The following ESYT2 variants were observed in gnomAD, a reference collection of about 807,000 sequenced individuals.
The protein encoded by ESYT2 is extended synaptotagmin 2, also known as extended synaptotagmin-2.
ESYT2 carries 54 observed loss-of-function variants against 107.2 expected under a neutral mutation model. The observed-to-expected ratio is 0.50, with a 90% confidence interval of 0.40 to 0.63. ESYT2 has a LOEUF of 0.63. Among genes scored for constraint, ESYT2 ranks in the 30% least tolerant of loss-of-function variants. ESYT2 has a pLI of 0.00. For synonymous variants in ESYT2, 491 were observed against 434.1 expected (o/e 1.13, Z -1.63); for missense variants, 1,020 against 1,094.5 (o/e 0.93, Z 0.96).
intron 3 of ESYT2, among the ~76,000 whole-genome samples, chr7:158,797,282 T>G (rs1051550598): frequency 2.0e-5 from 3 of 152,140 alleles, no homozygotes; most frequent in African/African-American, 7.2e-5. Context: ...TATGTAGTTC[T>G]GACCATATAC....
chr7:158,827,104 A>G (rs535568730), intron 1 of ESYT2, among the ~76,000 whole-genome samples: 1 of 150,140 alleles, frequency 6.7e-6, no homozygotes, highest in South Asian at 2.1e-4. Flanking sequence ...CGGAGGTTGT[A>G]GTGAGCCGAG....
rs183563206 is a variant in ESYT2 at position 158,795,325 on chromosome 7, A to T, written c.508-1599T>A. Among the ~76,000 whole-genome samples, 6 of 152,382 alleles carry T rather than the reference A, an allele frequency of 3.9e-5. No individual in the cohort carries two copies. In the East Asian group the frequency reaches 9.6e-4, roughly 24 times the overall value. On this transcript the variant is annotated intron_variant, in intron 3 of 22. Transcript: ENST00000275418. The stretch of plus-strand genomic sequence containing the variant: ...CTCTTAATACTCTTGCTATTCTCCA[A>T]GGATTTCCTTATTCAGCTGGTATCA...
chr7:158,808,408 G>T (rs551135964), intron 1 of ESYT2, among the ~76,000 whole-genome samples: 4 of 152,332 alleles, frequency 2.6e-5, no homozygotes, highest in African/African-American at 9.6e-5. Context: ...CTCATTTCAA[G>T]TCACCTTTAT....
At chr7:158,756,354 A>C (rs1053845264) in intron 13 of ESYT2, among the ~76,000 whole-genome samples, 3 of 152,210 alleles carry the variant, frequency 2.0e-5, no homozygotes, top group Non-Finnish European at 4.4e-5. Flanking sequence ...GCAACATATG[A>C]TGAGATGGGA....
chr7:158,771,957 A>T (rs1270489336), intron 7 of ESYT2, among the ~76,000 whole-genome samples: 1 of 144,420 alleles, frequency 6.9e-6, no homozygotes, highest in Non-Finnish European at 1.5e-5. Context: ...CATCTCTACT[A>T]AAAAAATACA....
chr7:158,740,832 G>C (rs898497066), intron 18 of ESYT2, among the ~76,000 whole-genome samples: 2 of 152,130 alleles, frequency 1.3e-5, no homozygotes, highest in African/African-American at 4.8e-5. Flanking sequence ...TTTTCTAACA[G>C]CTCAGAAGCA....
At chr7:158,735,430 A>T (rs75784629) in intron 21 of ESYT2, 73 bp downstream of exon 21, 166 of 1,294,940 alleles carry the variant, frequency 1.3e-4, no homozygotes, top group Non-Finnish European at 1.7e-4. Context: ...GACATGGTCT[A>T]AACACTGCAC....
Position 158,779,998 on chromosome 7 carries a change from G to C in ESYT2, c.748-6602C>G, listed in dbSNP as rs568165684. On this transcript the variant is annotated intron_variant, in intron 6 of 22. Coordinates refer to ENST00000275418, the MANE Select transcript of ESYT2 (RefSeq NM_001367773.1). ...AATAGGGGCCCCAGCCCCCATTATT[G>C]TGACACCCTAAACATCCATTTCCAA... Among the ~76,000 whole-genome samples, 30 of 152,294 alleles carry C rather than the reference G, an allele frequency of 2.0e-4. No homozygotes were observed. The South Asian group carries it at 6.0e-3, about 31-fold the overall frequency.
rs201667253 is a variant in ESYT2, at chr7:158,777,027, ATT to A, written c.748-3633_748-3632del. On this transcript the variant is annotated intron_variant, in intron 6 of 22. Coordinates refer to ENST00000275418, the MANE Select transcript of ESYT2 (RefSeq NM_001367773.1). ...ACTACTACGCCCAGCTAATTTTTGT[ATT>A]TTTTTTTTTTTTAAGTAGAGAGGTG... Among the ~76,000 whole-genome samples, 8 of 144,364 alleles carry A rather than the reference ATT, an allele frequency of 5.5e-5. No homozygotes were observed. The East Asian group carries it at 1.0e-3, about 18-fold the overall frequency. 94.7% of individuals were successfully genotyped at this position (144,364 alleles called of 152,430 possible). A position where few individuals can be genotyped will look rare whatever the true frequency, so the allele number is the denominator to read the frequency against.
chr7:158,801,297 G>A (rs1436736036), intron 1 of ESYT2, among the ~76,000 whole-genome samples: 1 of 152,198 alleles, frequency 6.6e-6, no homozygotes, highest in Non-Finnish European at 1.5e-5. Context: ...AAGTGGCTTT[G>A]AAAATCGAGC....
chr7:158,782,542 A>AGTGT (rs1554587001), intron 6 of ESYT2, among the ~76,000 whole-genome samples: 4 of 150,336 alleles, frequency 2.7e-5, no homozygotes, highest in South Asian at 4.2e-4. Context: ...TAAGAAAATG[A>AGTGT]GTGTGAGAAG....
chr7:158,747,832 C>A (rs1837455405), intron 16 of ESYT2, among the ~76,000 whole-genome samples: 1 of 152,156 alleles, frequency 6.6e-6, no homozygotes, highest in African/African-American at 2.4e-5. Flanking sequence ...AATGGATGAG[C>A]AAATTGTGGT....
intron 19 of ESYT2, among the ~76,000 whole-genome samples, chr7:158,737,941 C>A (rs6967103): frequency 0.24 from 36,062 of 152,068 alleles, 5,152 homozygotes; most frequent in East Asian, 0.59. Context: ...TGACTTTATA[C>A]TTATTAATAT....
intron 14 of ESYT2, 67 bp downstream of exon 14, chr7:158,752,714 G>T: frequency 9.1e-7 from 1 of 1,104,784 alleles, no homozygotes. Flanking sequence ...ATAAACTTAT[G>T]AGACAAAGTA....
At chr7:158,771,818 T>A (rs896508643) in intron 7 of ESYT2, among the ~76,000 whole-genome samples, 1 of 152,122 alleles carries the variant, frequency 6.6e-6, no homozygotes, top group Non-Finnish European at 1.5e-5. Context: ...TAAACTGCTT[T>A]TTGAAAATAT....
At chr7:158,828,064 C>G (rs766040413) in intron 1 of ESYT2, among the ~76,000 whole-genome samples, 46 of 152,354 alleles carry the variant, frequency 3.0e-4, no homozygotes, top group Middle Eastern at 6.8e-3. Context: ...CACACACATT[C>G]ACACTGGATT....
chr7:158,812,946 C>T (rs563433902), intron 1 of ESYT2, among the ~76,000 whole-genome samples: 1 of 152,084 alleles, frequency 6.6e-6, no homozygotes, highest in Non-Finnish European at 1.5e-5. Context: ...GGTGTGACCA[C>T]GAATGGGCAC....
chr7:158,760,853 C>T (rs1246795843), intron 11 of ESYT2, among the ~76,000 whole-genome samples: 3 of 152,164 alleles, frequency 2.0e-5, no homozygotes, highest in East Asian at 3.9e-4. Context: ...CCTGGCACAC[C>T]CAGGAAAACG....
chr7:158,799,014 G>T lies in ESYT2; in HGVS notation c.372+17C>A. 1.9e-6 allele frequency: 3 copies of T among 1,607,920 alleles called. No individual in the cohort carries two copies. Among genetic ancestry groups the T allele is most frequent in the Non-Finnish European group, 1.7e-6 (2 of 1,176,284 alleles). On this transcript the variant is annotated intron_variant, in intron 2 of 22. Transcript: ENST00000275418. Reference sequence around the variant, plus strand: ...CAATTCCACTGATGGATGGTAGTTGGTATACTCTAATCTTACCTTATTTAG... The same window carrying T: ...CAATTCCACTGATGGATGGTAGTTGTTATACTCTAATCTTACCTTATTTAG...
Sources: gnomAD v4.1 joint callset for allele counts (sites outside exome capture counted in the v4.1 genomes callset) on GRCh38, gnomAD v4.1.1 for gene constraint, MANE v1.5 for transcripts, NCBI Gene and HGNC (gene_info 2026-07-23, HGNC 2026-07-21) for gene names.